The following GRIA3 variants were observed in gnomAD, a reference collection of about 807,000 sequenced individuals.
GRIA3 encodes glutamate receptor 3.
GRIA3 carries 3 observed loss-of-function variants against 63.0 expected under a neutral mutation model. That is an observed-to-expected ratio of 0.05 (90% CI 0.02 to 0.12). GRIA3 has a LOEUF of 0.12. GRIA3 is among the 10% of genes least tolerant of loss of function. GRIA3 has a pLI of 1.00. For missense variants in GRIA3, 347 were observed against 700.9 expected (o/e 0.50, Z 5.70); for synonymous variants, 274 against 257.9 (o/e 1.06, Z -0.60).
intron 6 of GRIA3, among the ~76,000 whole-genome samples, chrX:123,395,951 T>C (rs578108225): frequency 1.8e-5 from 2 of 109,581 alleles, no homozygotes; most frequent in South Asian, 7.8e-4. Flanking sequence ...CAAAATAGAG[T>C]CAAGACCCTT....
intron 3 of GRIA3, among the ~76,000 whole-genome samples, chrX:123,288,643 G>A (rs891023546): frequency 9.9e-5 from 11 of 111,506 alleles, no homozygotes; most frequent in Non-Finnish European, 3.8e-5. Flanking sequence ...AGACATTTAC[G>A]TGGCCAACAA....
chrX:123,477,358 T>C (rs1238619410), intron 13 of GRIA3, among the ~76,000 whole-genome samples: 3 of 112,487 alleles, frequency 2.7e-5, no homozygotes, highest in African/African-American at 9.7e-5. Context: ...ATAAATAATA[T>C]ACTTTCATGA....
At chrX:123,480,309 G>A in intron 14 of GRIA3, 132 bp downstream of exon 14, 1 of 499,428 alleles carries the variant, frequency 2.0e-6, no homozygotes, top group Non-Finnish European at 3.7e-6. Context: ...TAACAACAGT[G>A]CTAAAGGAAT....
At chrX:123,403,860 A>C (rs1453239558) in intron 9 of GRIA3, among the ~76,000 whole-genome samples, 2 of 111,150 alleles carry the variant, frequency 1.8e-5, no homozygotes, top group Non-Finnish European at 3.8e-5. Context: ...GAGAGAGTAC[A>C]TTAGGATTCT....
intron 10 of GRIA3, among the ~76,000 whole-genome samples, chrX:123,410,478 C>T (rs1313190301): frequency 1.8e-5 from 2 of 111,950 alleles, no homozygotes; most frequent in Non-Finnish European, 1.9e-5. Context: ...GACTCCTTCA[C>T]GCTCCCAGGA....
At chrX:123,360,317 G>A (rs1470281784) in intron 5 of GRIA3, among the ~76,000 whole-genome samples, 1 of 109,988 alleles carries the variant, frequency 9.1e-6, no homozygotes, top group African/African-American at 3.3e-5. Context: ...AGACACAAAT[G>A]TAAATAAATG....
intron 3 of GRIA3, among the ~76,000 whole-genome samples, chrX:123,288,625 T>A (rs767933633): frequency 8.1e-5 from 9 of 111,544 alleles, no homozygotes; most frequent in African/African-American, 2.9e-4. Flanking sequence ...CAGACACTTA[T>A]CAAAAGAAGA....
chrX:123,403,038 T>C lies in GRIA3; in HGVS notation c.1125T>C (p.Tyr375=), dbSNP rs562407134. 172 of 1,177,266 alleles carry C rather than the reference T, an allele frequency of 1.5e-4. No individual in the cohort carries two copies. The South Asian group carries it at 2.6e-3, about 18-fold the overall frequency. ...GMTGNIQFDT[Y]GRRTNYTIDV... ...CTGGAAATATTCAATTTGACACTTA[T>C]GGACGTAGGACAAATTATACCATCG... is the stretch of plus-strand genomic sequence containing the variant. Residue 375 remains tyrosine, a synonymous_variant, in exon 8 of 16, where the codon TAT becomes TAC. Coordinates refer to ENST00000620443, the MANE Select transcript of GRIA3 (RefSeq NM_007325.5).
intron 13 of GRIA3, among the ~76,000 whole-genome samples, chrX:123,472,174 C>A (rs2045867377): frequency 9.6e-6 from 1 of 104,297 alleles, no homozygotes; most frequent in South Asian, 4.6e-4. Flanking sequence ...TTGTTGCAAT[C>A]TAGCTAAAAC....
intron 2 of GRIA3, among the ~76,000 whole-genome samples, chrX:123,247,382 G>C (rs765788267): frequency 9.0e-6 from 1 of 111,481 alleles, no homozygotes; most frequent in African/African-American, 3.3e-5. Context: ...CTACAGACTC[G>C]GGGACTATAA....
intron 12 of GRIA3, among the ~76,000 whole-genome samples, chrX:123,443,037 C>T (rs992370218): frequency 9.1e-6 from 1 of 110,458 alleles, no homozygotes; most frequent in African/African-American, 3.3e-5. Context: ...AAAACCTTTC[C>T]TCTAATCAAC....
At chrX:123,269,858 T>A (rs1236399432) in intron 3 of GRIA3, among the ~76,000 whole-genome samples, 1 of 112,151 alleles carries the variant, frequency 8.9e-6, no homozygotes, top group Non-Finnish European at 1.9e-5. Context: ...TTACTGGGCA[T>A]ATATTTTGGA....
At chrX:123,215,474 G>C (rs1432076132) in intron 2 of GRIA3, among the ~76,000 whole-genome samples, 1 of 111,509 alleles carries the variant, frequency 9.0e-6, no homozygotes, top group African/African-American at 3.3e-5. Flanking sequence ...CCCTAGTACA[G>C]TACAGCACTA....
At chrX:123,417,965 G>C (rs1405735258) in intron 11 of GRIA3, 187 bp downstream of exon 11, 2 of 484,744 alleles carry the variant, frequency 4.1e-6, no homozygotes, top group African/African-American at 4.7e-5. Flanking sequence ...GTGTTGCTTT[G>C]AATGTCTTTC....
intron 2 of GRIA3, among the ~76,000 whole-genome samples, chrX:123,214,501 A>T (rs1357739794): frequency 8.9e-6 from 1 of 111,976 alleles, no homozygotes; most frequent in Non-Finnish European, 1.9e-5. Flanking sequence ...AAATAATGAA[A>T]TTGAACTATA....
At position 123,263,390 on chromosome X, in the gene GRIA3, G is replaced by A. The variant is rs193230223; in HGVS notation, c.508+9848G>A. ...TTCCAATCAATAGGTTGCCAGTGTC[G>A]GCTGCTGTCCTGCTTTGTCGACTCC... On this transcript the variant is annotated intron_variant, in intron 3 of 15. Transcript: ENST00000620443. 1.2e-4 allele frequency among the ~76,000 whole-genome samples: 13 copies of A among 112,194 alleles called. No homozygotes were observed. The East Asian group carries it at 2.8e-3, about 24-fold the overall frequency.
intron 5 of GRIA3, among the ~76,000 whole-genome samples, chrX:123,373,664 G>A (rs1210808254): frequency 8.9e-6 from 1 of 111,963 alleles, no homozygotes; most frequent in African/African-American, 3.3e-5. Flanking sequence ...TTTGAGAAGG[G>A]TCTGTTCATA....
intron 1 of GRIA3, among the ~76,000 whole-genome samples, chrX:123,185,508 A>AGGGGGGGGGGGGGGGGGG (rs3216834): frequency 4.9e-5 from 2 of 40,961 alleles, no homozygotes; most frequent in Non-Finnish European, 1.0e-4. Flanking sequence ...CGGGGGGCGG[A>AGGGGGGGGGGGGGGGGGG]GGGGGGGGGC....
chrX:123,418,852 T>A (rs2045549689), intron 11 of GRIA3, among the ~76,000 whole-genome samples: 1 of 112,329 alleles, frequency 8.9e-6, no homozygotes, highest in African/African-American at 3.2e-5. Flanking sequence ...CAGTTTCTTA[T>A]CAAGTAAGAT....
Sources: allele counts gnomAD v4.1 joint callset (sites outside exome capture counted in the v4.1 genomes callset), GRCh38; gene constraint gnomAD v4.1.1; transcripts MANE v1.5; gene names NCBI Gene and HGNC (gene_info 2026-07-23, HGNC 2026-07-21).